RFX1: variants seen among roughly 807,000 people sequenced by gnomAD.
RFX1 encodes regulatory factor X1, also known as MHC class II regulatory factor RFX1.
In RFX1, 42 loss-of-function variants were observed where a neutral mutation model predicts 119.6. The ratio of observed to expected loss-of-function variants is 0.35; its 90% CI spans 0.27 to 0.45. RFX1 has a LOEUF of 0.45. Among genes scored for constraint, RFX1 ranks in the 20% least tolerant of loss-of-function variants. The pLI is 1.00. For missense variants in RFX1, 1,118 were observed against 1,368.1 expected (o/e 0.82, Z 2.88); for synonymous variants, 628 against 618.5 (o/e 1.02, Z -0.23).
In RFX1 at chr19:13,977,188, G is replaced by A. The variant is rs144780604; in HGVS notation, c.929+804C>T. 5.3e-3 allele frequency among the ~76,000 whole-genome samples: 796 copies of A among 151,578 alleles called. 11 individuals carry two copies. Among genetic ancestry groups the A allele is most frequent in the African/African-American group, 0.018 (746 of 41,324 alleles). On this transcript the variant is annotated intron_variant, in intron 8 of 20. Coordinates refer to ENST00000254325, the MANE Select transcript of RFX1 (RefSeq NM_002918.5). ...TGTGTGCCTGTAATCCCAGCTACCC[G>A]GGAGGCTGAGACACGAGAATCACTT... is the stretch of plus-strand genomic sequence containing the variant.
chr19:14,000,653 C>G (rs545777255), intron 1 of RFX1, among the ~76,000 whole-genome samples: 57 of 152,070 alleles, frequency 3.7e-4, no homozygotes, highest in Non-Finnish European at 6.6e-4. Flanking sequence ...AAAAAATCAG[C>G]TAGGCATAGT....
intron 9 of RFX1, among the ~76,000 whole-genome samples, chr19:13,972,222 AATCTTGCT>A (rs1568463029): frequency 6.7e-6 from 1 of 149,508 alleles, no homozygotes; most frequent in Non-Finnish European, 1.5e-5. Flanking sequence ...TTTGAGACAG[AATCTTGCT>A]GTGTCTCCCA....
chr19:13,965,912 A>G lies in RFX1; in HGVS notation c.1962-135T>C. 1 of 1,058,526 alleles carries G rather than the reference A, an allele frequency of 9.4e-7. No individual in the cohort carries two copies. The highest frequency in any genetic ancestry group is 1.4e-6 in the Non-Finnish European group (1 of 734,810). The allele number at this position is 1,058,526 out of a possible 1,614,324, so 65.6% of individuals were successfully genotyped here. A position where few individuals can be genotyped will look rare whatever the true frequency, so the allele number is the denominator to read the frequency against. Reference sequence around the variant, plus strand: ...CTGTGGTTCTACCCCCAGCATCAGAAGGCACAGGTACCCCCTTACCCCCAC... The same window carrying G: ...CTGTGGTTCTACCCCCAGCATCAGAGGGCACAGGTACCCCCTTACCCCCAC... On this transcript the variant is annotated intron_variant, in intron 14 of 20. Transcript: ENST00000254325. This position sits in a 1 kb window ranked among gnomAD's most constrained non-coding sequence, Gnocchi z 4.7.
rs761939886 is a variant in RFX1, at chr19:13,972,950, G to A, written c.1107C>T (p.Ser369=). The change falls in exon 9 of 21, where the codon TCC becomes TCT. Residue 369 remains serine (S), a synonymous_variant. Coordinates refer to ENST00000254325, the MANE Select transcript of RFX1 (RefSeq NM_002918.5). The stretch of plus-strand genomic sequence containing the variant: ...TGCTGGCCCCAGCCCCAGTGCTGGT[G>A]GAGCTGGCGACGACCTGGCTGCCGG... The part of the protein sequence containing the change: ...YVSGSQVVAS[S]TSTGAGASNS... 1.7e-5 allele frequency: 27 copies of A among 1,598,872 alleles called. No individual in the cohort carries two copies. The highest frequency in any genetic ancestry group is 5.3e-5 in the African/African-American group (4 of 74,866).
chr19:13,994,827 CAT>C (rs1174902940), intron 1 of RFX1, among the ~76,000 whole-genome samples: 1 of 139,190 alleles, frequency 7.2e-6, no homozygotes, highest in South Asian at 2.3e-4. Flanking sequence ...TATACACACA[CAT>C]ATACACTGTA....
chr19:13,983,281 A>C lies in RFX1; in HGVS notation c.430-11T>G, dbSNP rs1014167587. On this transcript the variant is annotated splice_polypyrimidine_tract_variant and intron_variant, in intron 3 of 20. Transcript: ENST00000254325. ...CTGGACCAGCAGCCGCTGTGGAGAC[A>C]AGGCAGGAGGAGCTGAGCTGCCACT... is the stretch of plus-strand genomic sequence containing the variant. 1 of 1,545,560 alleles carries C rather than the reference A, an allele frequency of 6.5e-7. No individual in the cohort carries two copies. Among genetic ancestry groups the C allele is most frequent in the South Asian group, 1.2e-5 (1 of 84,146 alleles).
chr19:14,000,923 C>G (rs559434150), intron 1 of RFX1, among the ~76,000 whole-genome samples: 240 of 152,204 alleles, frequency 1.6e-3, no homozygotes, highest in Non-Finnish European at 2.9e-3. Context: ...AGCCGAGACT[C>G]CATCTCGACA....
intron 8 of RFX1, among the ~76,000 whole-genome samples, chr19:13,977,480 G>A (rs145806243): frequency 0.014 from 2,055 of 151,188 alleles, 43 homozygotes; most frequent in African/African-American, 0.047. Context: ...ACAGTGGCAC[G>A]ATCTCAGCTC....
At chr19:13,996,718 CTTT>C (rs767281958) in intron 1 of RFX1, among the ~76,000 whole-genome samples, 4 of 114,404 alleles carry the variant, frequency 3.5e-5, no homozygotes, top group Non-Finnish European at 5.4e-5. Context: ...GGCTCATTTG[CTTT>C]TTTTTTTTTT....
intron 1 of RFX1, among the ~76,000 whole-genome samples, chr19:14,000,677 A>C (rs1405614807): frequency 1.3e-5 from 2 of 152,202 alleles, no homozygotes; most frequent in Non-Finnish European, 2.9e-5. Flanking sequence ...CGACACCTGA[A>C]GTCCCAGCTG....
Position 13,969,011 on chromosome 19 carries a change from G to A in RFX1, c.1497-117C>T. 4.2e-6 allele frequency: 5 copies of A among 1,183,454 alleles called. No homozygotes were observed. The highest frequency in any genetic ancestry group is 1.5e-5 in the South Asian group (1 of 66,732). The allele number at this position is 1,183,454 out of a possible 1,614,324, so 73.3% of individuals were successfully genotyped here. On this transcript the variant is annotated intron_variant, in intron 10 of 20. Coordinates refer to ENST00000254325, the MANE Select transcript of RFX1 (RefSeq NM_002918.5). This position sits in a 1 kb window ranked among gnomAD's most constrained non-coding sequence, Gnocchi z 4.5. The stretch of plus-strand genomic sequence containing the variant: ...TAGGAGAATGGATAGAGAGACGCCT[G>A]CCCTGCAGAGACGGGGGTGCTGCAC...
intron 4 of RFX1, chr19:13,982,905 T>G (rs1568471274): frequency 1.3e-5 from 6 of 469,686 alleles, no homozygotes; most frequent in Non-Finnish European, 1.5e-5. Context: ...TGGCCTTGGG[T>G]TCTCTGCTTC....
intron 1 of RFX1, among the ~76,000 whole-genome samples, chr19:14,002,816 C>T (rs1975260408): frequency 6.6e-6 from 1 of 152,196 alleles, no homozygotes; most frequent in African/African-American, 2.4e-5. Context: ...GCAGCCTGGC[C>T]ATCCCCTTCC....
intron 9 of RFX1, 132 bp downstream of exon 9, chr19:13,972,611 A>G (rs1974116239): frequency 1.2e-5 from 8 of 660,882 alleles, no homozygotes; most frequent in South Asian, 9.6e-5. Context: ...GGACATCTGC[A>G]TATGTTCTCT....
intron 2 of RFX1, among the ~76,000 whole-genome samples, chr19:13,992,265 C>A (rs1268602664): frequency 6.6e-6 from 1 of 152,092 alleles, no homozygotes; most frequent in Non-Finnish European, 1.5e-5. Context: ...ATAGCAAGAC[C>A]CCATCTCTAA....
chr19:13,993,561 G>A lies in RFX1; in HGVS notation c.283C>T (p.Pro95Ser), dbSNP rs1322966351. 1 of 1,613,058 alleles carries A rather than the reference G, an allele frequency of 6.2e-7. No individual in the cohort carries two copies. Among genetic ancestry groups the A allele is most frequent in the Non-Finnish European group, 8.5e-7 (1 of 1,179,606 alleles). The change falls in exon 2 of 21, where the codon CCT becomes TCT. Residue 95 changes from proline (P) to serine (S), a missense_variant. Physicochemically the swap from Pro to Ser is moderately conservative, Grantham distance 74. Transcript: ENST00000254325. Reference sequence around the variant, plus strand: ...ACCACGATGTACTGCTGGGGTGCAGGCGAAGGGGTGGGTGCACCGGTTGGC... The same window carrying A: ...ACCACGATGTACTGCTGGGGTGCAGACGAAGGGGTGGGTGCACCGGTTGGC... ...SQPTGAPTPSPAPQQYIVVTV... is the reference protein window; with the variant it reads ...SQPTGAPTPSSAPQQYIVVTV...
At position 13,980,649 on chromosome 19, in the gene RFX1, G is replaced by C; in HGVS notation, c.662C>G (p.Ala221Gly). 4 of 1,590,214 alleles carry C rather than the reference G, an allele frequency of 2.5e-6. No individual in the cohort carries two copies. Among genetic ancestry groups the C allele is most frequent in the Non-Finnish European group, 3.4e-6 (4 of 1,174,238 alleles). ...TGGCACTGTGCCCGTGGGGGCCCCG[G>C]CTGTCTTGCTGGAAGAGCTGTTGGC... ...VQANSSSSKTAGAPTGTVPQQ... is the reference protein window; with the variant it reads ...VQANSSSSKTGGAPTGTVPQQ... The change falls in exon 6 of 21, where the codon GCC becomes GGC. Residue 221 changes from alanine to glycine, a missense_variant. This residue lies in a region of RFX1 where 542 missense variants were observed against 602.7 expected (regional missense o/e 0.90). Transcript: ENST00000254325. The surrounding 1 kb of genome is among the most constrained non-coding windows in gnomAD (Gnocchi z 5.1).
chr19:13,995,033 AG>A (rs1006496702), intron 1 of RFX1, among the ~76,000 whole-genome samples: 1 of 149,290 alleles, frequency 6.7e-6, no homozygotes, highest in African/African-American at 2.5e-5. Context: ...CCTCCCAAAA[AG>A]TGCTGGGATT....
intron 1 of RFX1, among the ~76,000 whole-genome samples, chr19:13,999,945 G>C (rs1975159850): frequency 6.6e-6 from 1 of 151,960 alleles, no homozygotes; most frequent in Admixed American, 6.6e-5. Context: ...CAAAGTGCTG[G>C]GATTACAGGC....
Sources: allele counts gnomAD v4.1 joint callset (sites outside exome capture counted in the v4.1 genomes callset), GRCh38; gene constraint gnomAD v4.1.1; regional missense constraint gnomAD v4.1.1; non-coding constraint Gnocchi (gnomAD v3.1); transcripts MANE v1.5; gene names NCBI Gene and HGNC (gene_info 2026-07-23, HGNC 2026-07-21).